Variants in STAU2 observed in about 807,000 individuals in gnomAD.
STAU2 encodes staufen double-stranded RNA binding protein 2, also known as double-stranded RNA-binding protein Staufen homolog 2.
STAU2 carries 20 observed loss-of-function variants against 65.9 expected under a neutral mutation model. The ratio of observed to expected loss-of-function variants is 0.30; its 90% CI spans 0.21 to 0.44. The LOEUF (loss-of-function observed/expected upper bound fraction) is 0.44, where lower values mean the gene tolerates loss of function less well. Among genes scored for constraint, STAU2 ranks in the 20% least tolerant of loss-of-function variants. The pLI is 1.00. For missense variants in STAU2, 558 were observed against 683.9 expected, an observed-to-expected ratio of 0.82 and a Z score of 2.05; for synonymous variants, 232 against 233.9, an observed-to-expected ratio of 0.99 and a Z score of 0.07.
chr8:73,640,864 G>A (rs980280772), intron 6 of STAU2, among the ~76,000 whole-genome samples: 1 of 151,992 alleles, frequency 6.6e-6, no homozygotes, highest in Non-Finnish European at 1.5e-5. Flanking sequence ...CCATATGTAA[G>A]TTCTAAAACA....
intron 14 of STAU2, among the ~76,000 whole-genome samples, chr8:73,422,336 C>T (rs1050598069): frequency 6.6e-6 from 1 of 152,194 alleles, no homozygotes; most frequent in African/African-American, 2.4e-5. Context: ...GTAAGTTTTA[C>T]AAGTCTCTAC....
At chr8:73,739,964 G>T in intron 1 of STAU2, 96 bp from the exon 2 acceptor site, 2 of 641,202 alleles carry the variant, frequency 3.1e-6, no homozygotes, top group Non-Finnish European at 5.5e-6. Context: ...CATTTGCTCA[G>T]AGGGAGGCAG....
intron 13 of STAU2, among the ~76,000 whole-genome samples, chr8:73,537,422 C>G (rs1282874001): frequency 6.6e-6 from 1 of 152,110 alleles, no homozygotes; most frequent in Non-Finnish European, 1.5e-5. Flanking sequence ...AACAAATCAA[C>G]AGACAATCAA....
chr8:73,707,705 C>A (rs1185674341), intron 4 of STAU2, among the ~76,000 whole-genome samples: 1 of 151,848 alleles, frequency 6.6e-6, no homozygotes, highest in African/African-American at 2.4e-5. Context: ...ACTACAGGGA[C>A]CAAGAAATGT....
In STAU2 at chr8:73,662,539, T is replaced by C. The variant is rs1207487575; in HGVS notation, c.410+10568A>G. 4.6e-5 allele frequency among the ~76,000 whole-genome samples: 7 copies of C among 152,234 alleles called. No homozygotes were observed. The South Asian group carries it at 6.2e-4, about 13-fold the overall frequency. On this transcript the variant is annotated intron_variant, in intron 6 of 14. Coordinates refer to ENST00000524300, the MANE Select transcript of STAU2 (RefSeq NM_001164380.2). ...AATTTTACTTTAACTTTTACATATATGTCTATGACCCATTTCTGATTTATT... is the reference window on the plus strand; with the variant it reads ...AATTTTACTTTAACTTTTACATATACGTCTATGACCCATTTCTGATTTATT...
intron 13 of STAU2, among the ~76,000 whole-genome samples, chr8:73,443,086 G>A (rs1477348757): frequency 1.3e-5 from 2 of 152,302 alleles, no homozygotes; most frequent in East Asian, 3.9e-4. Flanking sequence ...CTTTAGAAAT[G>A]CCTGACATTC....
intron 5 of STAU2, among the ~76,000 whole-genome samples, chr8:73,687,567 A>AT (rs59512962): frequency 0.012 from 1,795 of 143,780 alleles, 32 homozygotes; most frequent in Non-Finnish European, 0.019. Flanking sequence ...ATTTTTTGTA[A>AT]TTTTTTTTTT....
intron 13 of STAU2, among the ~76,000 whole-genome samples, chr8:73,540,250 AAAG>A (rs1265084639): frequency 2.0e-5 from 3 of 152,248 alleles, no homozygotes; most frequent in African/African-American, 7.2e-5. Context: ...AAGAGACAGC[AAAG>A]AAGAATACAC....
chr8:73,427,007 C>T (rs1001392336), intron 13 of STAU2, among the ~76,000 whole-genome samples: 38 of 150,964 alleles, frequency 2.5e-4, no homozygotes, highest in Admixed American at 2.5e-3. Flanking sequence ...CGGCCCACCA[C>T]AACCTCTGCC....
chr8:73,527,617 A>T, intron 13 of STAU2: 1 of 1,134,410 alleles, frequency 8.8e-7, no homozygotes, highest in Non-Finnish European at 1.3e-6. Context: ...ATGTGCGCAC[A>T]TAGCTTCCAT....
At chr8:73,684,395 T>C (rs987972920) in intron 5 of STAU2, among the ~76,000 whole-genome samples, 1 of 152,108 alleles carries the variant, frequency 6.6e-6, no homozygotes, top group East Asian at 1.9e-4. Flanking sequence ...GCTGGGATAA[T>C]TGGCAAGTCA....
At chr8:73,696,901 T>C (rs551446113) in intron 4 of STAU2, among the ~76,000 whole-genome samples, 1 of 152,216 alleles carries the variant, frequency 6.6e-6, no homozygotes, top group East Asian at 1.9e-4. Context: ...ACCAAGCAGA[T>C]TTAACCCAAT....
intron 13 of STAU2, among the ~76,000 whole-genome samples, chr8:73,475,950 A>C (rs533800032): frequency 1.1e-3 from 174 of 152,332 alleles, no homozygotes; most frequent in Middle Eastern, 0.01. Flanking sequence ...ATGACACTAA[A>C]TGTTTACTTC....
chr8:73,448,094 C>T (rs1818574709), intron 13 of STAU2, among the ~76,000 whole-genome samples: 1 of 152,140 alleles, frequency 6.6e-6, no homozygotes, highest in African/African-American at 2.4e-5. Context: ...ACTGGACCCT[C>T]CCAAGGAGGA....
chr8:73,477,123 C>A (rs555123177), intron 13 of STAU2, among the ~76,000 whole-genome samples: 2 of 152,142 alleles, frequency 1.3e-5, no homozygotes, highest in South Asian at 4.2e-4. Flanking sequence ...GAGAGTAGTG[C>A]CACCTGGGGA....
intron 12 of STAU2, among the ~76,000 whole-genome samples, chr8:73,579,505 T>C (rs1311889118): frequency 6.6e-6 from 1 of 152,162 alleles, no homozygotes; most frequent in Non-Finnish European, 1.5e-5. Flanking sequence ...TCAGCTGAAC[T>C]GTATCTAAAT....
chr8:73,430,601 G>A (rs1429652736), intron 13 of STAU2, among the ~76,000 whole-genome samples: 1 of 152,208 alleles, frequency 6.6e-6, no homozygotes, highest in Non-Finnish European at 1.5e-5. Context: ...ACTGAAGCTG[G>A]CAAGCAGAGT....
chr8:73,470,012 A>G (rs761607621), intron 13 of STAU2, among the ~76,000 whole-genome samples: 1 of 152,242 alleles, frequency 6.6e-6, no homozygotes, highest in Non-Finnish European at 1.5e-5. Flanking sequence ...CTCAAAATGT[A>G]CAGGCTCTGT....
chr8:73,536,505 G>A (rs1806192338), intron 13 of STAU2, among the ~76,000 whole-genome samples: 1 of 152,094 alleles, frequency 6.6e-6, no homozygotes, highest in African/African-American at 2.4e-5. Flanking sequence ...AGTCAATTTG[G>A]AAGCCTACAC....
Sources: gnomAD v4.1 joint callset for allele counts (sites outside exome capture counted in the v4.1 genomes callset) on GRCh38, gnomAD v4.1.1 for gene constraint, MANE v1.5 for transcripts, NCBI Gene and HGNC (gene_info 2026-07-23, HGNC 2026-07-21) for gene names.